NBPF11: variants seen among roughly 807,000 people sequenced by gnomAD.
NBPF11 encodes NBPF member 11.
In NBPF11, 72 loss-of-function variants were observed where a neutral mutation model predicts 93.9. The observed-to-expected ratio is 0.77, with a 90% CI of 0.63 to 0.93. The LOEUF (loss-of-function observed/expected upper bound fraction) is 0.93, where lower values mean the gene tolerates loss of function less well. Ranked by LOEUF, NBPF11 falls within the 40% of genes least tolerant of loss-of-function variation. NBPF11 has a pLI of 0.00. For synonymous variants in NBPF11, 224 were observed against 304.9 expected (o/e 0.73, Z 2.76); for missense variants, 705 against 802.2 (o/e 0.88, Z 1.46).
rs1366590974 is a variant in NBPF11 at position 148,122,192 on chromosome 1, C to T, written c.641G>A (p.Ser214Asn). 5.6e-6 allele frequency: 9 copies of T among 1,612,592 alleles called. No individual in the cohort carries two copies. The African/African-American group carries it at 6.7e-5, about 12-fold the overall frequency. Residue 214 changes from serine to asparagine, a missense_variant, in exon 9 of 24, where the codon AGC (serine) becomes AAC (asparagine). Ser to Asn is a conservative substitution (Grantham distance 46). Coordinates refer to ENST00000682118, the MANE Select transcript of NBPF11 (RefSeq NM_001385469.3). ...LEECAITCSN[S>N]HGPCDSIQPH... ...CTGGATGGAGTCACAAGGGCCGTGGCTATTTGAACAAGTGATGGCACATTC... is the reference window on the plus strand; with the variant it reads ...CTGGATGGAGTCACAAGGGCCGTGGTTATTTGAACAAGTGATGGCACATTC...
At chr1:148,149,270 C>T (rs1647611853) in intron 1 of NBPF11, 12 of 1,596,378 alleles carry the variant, frequency 7.5e-6, no homozygotes. Context: ...GCTGCACTCG[C>T]CGCTCACCTC....
At position 148,141,947 on chromosome 1, in the gene NBPF11, G is replaced by C. The variant is rs1483835322; in HGVS notation, c.-277+1468C>G. Among the ~76,000 whole-genome samples, 6 of 145,220 alleles carry C rather than the reference G, an allele frequency of 4.1e-5. No homozygotes were observed. The East Asian group carries it at 1.3e-3, about 32-fold the overall frequency. On this transcript the variant is annotated intron_variant, in intron 2 of 23. Coordinates refer to ENST00000682118, the MANE Select transcript of NBPF11 (RefSeq NM_001385469.3). ...AGAACAAAAAGGAAAGAAAAAGAGA[G>C]AGCATGAGAGAGAGAGAAAGAAAAA...
At chr1:148,104,464 A>G (rs1347768847) in intron 23 of NBPF11, 73 bp downstream of exon 23, 1 of 597,070 alleles carries the variant, frequency 1.7e-6, no homozygotes, top group Admixed American at 3.0e-5. Context: ...CATCAAACAC[A>G]CTCTGGTTTC....
intron 21 of NBPF11, 43 bp downstream of exon 21, chr1:148,106,138 C>T: frequency 2.6e-6 from 2 of 762,274 alleles, no homozygotes; most frequent in Non-Finnish European, 4.8e-6. Context: ...CAGGAGTCTC[C>T]AGATGTCAAC....
chr1:148,124,424 T>TA (rs1668600724), intron 6 of NBPF11, among the ~76,000 whole-genome samples: 1 of 148,498 alleles, frequency 6.7e-6, no homozygotes, highest in Non-Finnish European at 1.5e-5. Flanking sequence ...GGCCACTAGA[T>TA]ACAAAGCCAT....
Position 148,149,164 on chromosome 1 carries a change from C to T in NBPF11, c.-549+2586G>A, listed in dbSNP as rs1176418582. 2.3e-5 allele frequency: 37 copies of T among 1,588,698 alleles called. 1 individual carries two copies. The highest frequency in any genetic ancestry group is 1.5e-4 in the African/African-American group (11 of 73,566). On this transcript the variant is annotated intron_variant, in intron 1 of 23. Transcript: ENST00000682118. ...GACCCTGCTCCGGCGCCGCCAGGTACGGCATCAGCCCGGACAGCATCATCC... is the reference window on the plus strand; with the variant it reads ...GACCCTGCTCCGGCGCCGCCAGGTATGGCATCAGCCCGGACAGCATCATCC...
chr1:148,126,252 G>A lies in NBPF11; in HGVS notation c.175+577C>T, dbSNP rs1188805873. ...CTGACCTCGTCCTCTGCCCGCCTCA[G>A]CCTCCCAAAGTGCTGAGATTACAGG... On this transcript the variant is annotated intron_variant, in intron 5 of 23. Transcript: ENST00000682118. Among the ~76,000 whole-genome samples, 5 of 151,922 alleles carry A rather than the reference G, an allele frequency of 3.3e-5. No homozygotes were observed. The East Asian group carries it at 9.6e-4, about 29-fold the overall frequency.
At chr1:148,143,313 C>A in intron 2 of NBPF11, 102 bp downstream of exon 2, 1 of 629,690 alleles carries the variant, frequency 1.6e-6, no homozygotes. Context: ...AGGCAAGGCC[C>A]TGTGATGTTT....
At chr1:148,121,201 T>G (rs2149231450) in intron 9 of NBPF11, among the ~76,000 whole-genome samples, 1 of 151,734 alleles carries the variant, frequency 6.6e-6, no homozygotes, top group Non-Finnish European at 1.5e-5. Flanking sequence ...CCAAGTAACA[T>G]GACAGCTAAT....
At chr1:148,122,358 A>T (rs1410641691) in intron 8 of NBPF11, 92 bp from the exon 9 acceptor site, 7 of 1,590,234 alleles carry the variant, frequency 4.4e-6, no homozygotes. Flanking sequence ...AAGCGGCATT[A>T]AGAGAGTGGT....
chr1:148,147,995 G>A (rs1255514968), intron 1 of NBPF11, among the ~76,000 whole-genome samples: 3 of 152,092 alleles, frequency 2.0e-5, no homozygotes, highest in East Asian at 3.9e-4. Flanking sequence ...GCCTCCACTG[G>A]GGATGTGTCC....
At chr1:148,121,421 C>T (rs1667820709) in intron 9 of NBPF11, among the ~76,000 whole-genome samples, 2 of 146,544 alleles carry the variant, frequency 1.4e-5, no homozygotes, top group South Asian at 2.1e-4. Context: ...AGTCTCGGCT[C>T]ACTGCAAGAT....
intron 4 of NBPF11, among the ~76,000 whole-genome samples, chr1:148,133,263 T>A (rs1300578265): frequency 1.3e-5 from 2 of 151,894 alleles, no homozygotes; most frequent in East Asian, 1.9e-4. Flanking sequence ...ACAGTCATTA[T>A]CTGTGAATAA....
chr1:148,108,270 T>G (rs1288481882), intron 18 of NBPF11, among the ~76,000 whole-genome samples: 4 of 151,404 alleles, frequency 2.6e-5, no homozygotes, highest in South Asian at 4.2e-4. Flanking sequence ...GCCACAGGCA[T>G]GGCCTGAGAC....
chr1:148,122,950 C>T (rs1668228316), intron 7 of NBPF11, 149 bp from the exon 8 acceptor site: 16 of 1,294,922 alleles, frequency 1.2e-5, no homozygotes, highest in Non-Finnish European at 1.7e-5. Flanking sequence ...AATGCCCTGG[C>T]ATGGTTTCCT....
At position 148,106,241 on chromosome 1, in the gene NBPF11, C is replaced by A. The variant is rs1269661716; in HGVS notation, c.2252-9G>T. On this transcript the variant is annotated splice_polypyrimidine_tract_variant and intron_variant, in intron 20 of 23. Transcript: ENST00000682118. ...TTGGTCCTTTTTAATTCCTGCAATA[C>A]ATTCAGACAGGGACAGACAAAATAA... is the stretch of plus-strand genomic sequence containing the variant. 3.9e-6 allele frequency: 3 copies of A among 764,838 alleles called. No homozygotes were observed. In the African/African-American group the frequency reaches 5.2e-5, roughly 13 times the overall value. The allele number at this position is 764,838 out of a possible 1,614,324, so 47.4% of individuals were successfully genotyped here. A position where few individuals can be genotyped will look rare whatever the true frequency, so the allele number is the denominator to read the frequency against.
At chr1:148,120,132 C>T (rs1473182091) in intron 10 of NBPF11, among the ~76,000 whole-genome samples, 1 of 151,854 alleles carries the variant, frequency 6.6e-6, no homozygotes, top group Non-Finnish European at 1.5e-5. Context: ...TAAAAGTTCA[C>T]TAGTCTCAGA....
rs1238942981 is a variant in NBPF11 at position 148,116,395 on chromosome 1, AG to A, written c.1379+67del. ...TTTTGGCCCATCATACATGCCAGAGAGGGTGTGCCTCCTAGATATTCTTCAT... is the reference window on the plus strand; with the variant it reads ...TTTTGGCCCATCATACATGCCAGAGAGGTGTGCCTCCTAGATATTCTTCAT... On this transcript the variant is annotated intron_variant, in intron 13 of 23. Coordinates refer to ENST00000682118, the MANE Select transcript of NBPF11 (RefSeq NM_001385469.3). The A allele has an allele frequency of 3.0e-5, 20 of 668,062 alleles. No individual in the cohort carries two copies. The African/African-American group carries it at 3.4e-4, about 11-fold the overall frequency. 41.4% of individuals were successfully genotyped at this position (668,062 alleles called of 1,614,324 possible). A position where few individuals can be genotyped will look rare whatever the true frequency, so the allele number is the denominator to read the frequency against.
chr1:148,120,602 C>T lies in NBPF11; in HGVS notation c.887G>A (p.Cys296Tyr), dbSNP rs1199265858. Residue 296 changes from cysteine to tyrosine, a missense_variant, in exon 10 of 24, where the codon TGC (cysteine) becomes TAC (tyrosine). Around this residue, in one of 12 missense-constraint regions of NBPF11, gnomAD observed 262 missense variants for 223.1 expected, o/e 1.17. Coordinates refer to ENST00000682118, the MANE Select transcript of NBPF11 (RefSeq NM_001385469.3). Reference protein sequence around the residue: ...MNILEINEKLCPQLAEKKQQF... With the variant: ...MNILEINEKLYPQLAEKKQQF... ...CTGTTTCTTCTCTGCCAGCTGGGGG[C>T]ACAATTTCTCATTGATTTCTAGAAT... 0.07 allele frequency: 97,327 copies of T among 1,391,722 alleles called. 8,892 individuals carry two copies. The highest frequency in any genetic ancestry group is 0.27 in the East Asian group (11,314 of 41,494). 86.2% of individuals were successfully genotyped at this position (1,391,722 alleles called of 1,614,324 possible).
Sources: allele counts gnomAD v4.1 joint callset (sites outside exome capture counted in the v4.1 genomes callset), GRCh38; gene constraint gnomAD v4.1.1; regional missense constraint gnomAD v4.1.1; transcripts MANE v1.5; gene names NCBI Gene and HGNC (gene_info 2026-07-23, HGNC 2026-07-21).